The following SNTG1 variants were observed in gnomAD, a reference collection of about 807,000 sequenced individuals.
SNTG1 encodes gamma-1-syntrophin.
In SNTG1, 39 loss-of-function variants were observed where a neutral mutation model predicts 74.7. That is an observed-to-expected ratio of 0.52 (90% CI 0.40 to 0.68). The LOEUF is 0.68. Among genes scored for constraint, SNTG1 ranks in the 30% least tolerant of loss-of-function variants. The pLI, the probability that SNTG1 is intolerant of heterozygous loss-of-function variation, is 0.00. For synonymous variants in SNTG1, 254 were observed against 217.1 expected, an observed-to-expected ratio of 1.17 and a Z score of -1.49; for missense variants, 685 against 609.5, an observed-to-expected ratio of 1.12 and a Z score of -1.30.
chr8:50,690,855 G>T (rs1253926893), intron 15 of SNTG1, among the ~76,000 whole-genome samples: 1 of 152,100 alleles, frequency 6.6e-6, no homozygotes, highest in Non-Finnish European at 1.5e-5. Flanking sequence ...GGGTGTTAAA[G>T]TCTCCCGTTA....
chr8:49,973,556 G>C (rs1389409872), intron 1 of SNTG1, among the ~76,000 whole-genome samples: 1 of 151,636 alleles, frequency 6.6e-6, no homozygotes, highest in Non-Finnish European at 1.5e-5. Context: ...AGGTCCAGAT[G>C]AGATGAAATT....
At chr8:50,583,699 T>C (rs2094627242) in intron 12 of SNTG1, among the ~76,000 whole-genome samples, 1 of 151,078 alleles carries the variant, frequency 6.6e-6, no homozygotes, top group African/African-American at 2.5e-5. Context: ...TGTAAGTAAA[T>C]AGCAAAATGC....
chr8:50,260,143 T>C (rs1338203317), intron 2 of SNTG1, among the ~76,000 whole-genome samples: 1 of 152,190 alleles, frequency 6.6e-6, no homozygotes, highest in East Asian at 1.9e-4. Flanking sequence ...CCAAATAGTT[T>C]ACTAGAGTCT....
At chr8:50,691,268 T>C (rs1192860789) in intron 15 of SNTG1, among the ~76,000 whole-genome samples, 1 of 152,198 alleles carries the variant, frequency 6.6e-6, no homozygotes, top group Non-Finnish European at 1.5e-5. Context: ...AATATTGTTA[T>C]GTGTGTATTT....
intron 1 of SNTG1, among the ~76,000 whole-genome samples, chr8:50,035,566 T>G (rs1818086597): frequency 6.6e-6 from 1 of 152,156 alleles, no homozygotes; most frequent in Non-Finnish European, 1.5e-5. Context: ...CACCTTAGTG[T>G]GAAAATGAGG....
intron 2 of SNTG1, among the ~76,000 whole-genome samples, chr8:50,331,183 G>A (rs1394889271): frequency 6.6e-6 from 1 of 152,152 alleles, no homozygotes; most frequent in East Asian, 1.9e-4. Flanking sequence ...AGTAGAAATT[G>A]AAATAGCACA....
intron 1 of SNTG1, among the ~76,000 whole-genome samples, chr8:50,172,070 G>C (rs1262874459): frequency 6.6e-6 from 1 of 152,154 alleles, no homozygotes; most frequent in Non-Finnish European, 1.5e-5. Flanking sequence ...TTCAATTACA[G>C]TATGTTTTAA....
rs946352925 is a variant in SNTG1 at position 50,432,528 on chromosome 8, T to A, written c.163-6015T>A. On this transcript the variant is annotated intron_variant, in intron 4 of 18. Transcript: ENST00000642720. ...TTGGCTGTCCATCTAAACCTAAAAA[T>A]TAGTTTGCTAGTATCCACAAATAGC... is the stretch of plus-strand genomic sequence containing the variant. 3.3e-5 allele frequency among the ~76,000 whole-genome samples: 5 copies of A among 152,124 alleles called. No individual in the cohort carries two copies. The East Asian group carries it at 5.8e-4, about 18-fold the overall frequency.
intron 17 of SNTG1, among the ~76,000 whole-genome samples, chr8:50,713,994 G>A (rs1422995269): frequency 6.7e-6 from 1 of 150,168 alleles, no homozygotes; most frequent in Non-Finnish European, 1.5e-5. Flanking sequence ...AGGAGACAGA[G>A]GTTGCCATGA....
At chr8:50,222,649 G>T (rs1419032224) in intron 2 of SNTG1, among the ~76,000 whole-genome samples, 2 of 152,164 alleles carry the variant, frequency 1.3e-5, no homozygotes, top group African/African-American at 4.8e-5. Flanking sequence ...GCATTGTGGG[G>T]ACATTAGTTT....
At chr8:50,612,030 T>C (rs550839282) in intron 13 of SNTG1, among the ~76,000 whole-genome samples, 6 of 152,272 alleles carry the variant, frequency 3.9e-5, no homozygotes, top group African/African-American at 1.4e-4. Context: ...AGTGCTGGGA[T>C]TGCAGGTGTG....
chr8:50,688,462 G>C (rs1222925254), intron 15 of SNTG1, among the ~76,000 whole-genome samples: 1 of 152,168 alleles, frequency 6.6e-6, no homozygotes, highest in Non-Finnish European at 1.5e-5. Flanking sequence ...TCCAGATTCA[G>C]CTTTCCACAT....
At chr8:50,128,421 A>G (rs1038651830) in intron 1 of SNTG1, among the ~76,000 whole-genome samples, 1 of 152,212 alleles carries the variant, frequency 6.6e-6, no homozygotes, top group Non-Finnish European at 1.5e-5. Flanking sequence ...ATATTACTTT[A>G]TACGGTAAAA....
At chr8:50,416,679 G>A (rs1203226640) in intron 4 of SNTG1, among the ~76,000 whole-genome samples, 1 of 151,934 alleles carries the variant, frequency 6.6e-6, no homozygotes, top group Non-Finnish European at 1.5e-5. Context: ...GAGACATTTT[G>A]TTTATGACTA....
chr8:50,419,924 C>G (rs758329678), intron 4 of SNTG1, among the ~76,000 whole-genome samples: 2 of 150,318 alleles, frequency 1.3e-5, no homozygotes, highest in Non-Finnish European at 3.0e-5. Context: ...ATGGACGGGA[C>G]AGAGAAAATA....
chr8:50,409,295 C>A (rs2092918219), intron 4 of SNTG1, among the ~76,000 whole-genome samples: 1 of 152,150 alleles, frequency 6.6e-6, no homozygotes, highest in Non-Finnish European at 1.5e-5. Flanking sequence ...ACTGAAATAT[C>A]CAACGCATTT....
intron 9 of SNTG1, 62 bp downstream of exon 9, chr8:50,502,942 T>C: frequency 1.5e-6 from 2 of 1,296,830 alleles, no homozygotes; most frequent in Non-Finnish European, 2.2e-6. Context: ...AATTATTATT[T>C]TGACAATAAT....
At chr8:49,996,127 C>A (rs914946791) in intron 1 of SNTG1, among the ~76,000 whole-genome samples, 1 of 151,772 alleles carries the variant, frequency 6.6e-6, no homozygotes, top group African/African-American at 2.4e-5. Context: ...TTTTTTATTG[C>A]CATTTTAGAA....
chr8:50,088,956 T>C (rs1288816054), intron 1 of SNTG1, among the ~76,000 whole-genome samples: 1 of 151,562 alleles, frequency 6.6e-6, no homozygotes, highest in South Asian at 2.1e-4. Context: ...AAGTCAATCC[T>C]AAGCCAAAAG....
Sources: gnomAD v4.1 joint callset for allele counts (sites outside exome capture counted in the v4.1 genomes callset) on GRCh38, gnomAD v4.1.1 for gene constraint, MANE v1.5 for transcripts, NCBI Gene and HGNC (gene_info 2026-07-23, HGNC 2026-07-21) for gene names.